SPATA16: variants seen among roughly 807,000 people sequenced by gnomAD.
The protein encoded by SPATA16 is spermatogenesis-associated protein 16.
A neutral mutation model predicts 63.3 loss-of-function variants in SPATA16; 36 were observed. That is an observed-to-expected ratio of 0.57 (90% CI 0.44 to 0.75). The LOEUF (loss-of-function observed/expected upper bound fraction) is 0.75, where lower values mean the gene tolerates loss of function less well. Ranked by LOEUF, SPATA16 falls within the 30% of genes least tolerant of loss-of-function variation. SPATA16 has a pLI of 0.00. For synonymous variants in SPATA16, 203 were observed against 216.7 expected, an observed-to-expected ratio of 0.94 and a Z score of 0.56; for missense variants, 646 against 679.3, an observed-to-expected ratio of 0.95 and a Z score of 0.54.
At chr3:173,016,209 C>A (rs1735183181) in intron 4 of SPATA16, among the ~76,000 whole-genome samples, 1 of 152,190 alleles carries the variant, frequency 6.6e-6, no homozygotes, top group Non-Finnish European at 1.5e-5. Context: ...TTTATGTATT[C>A]TTACACTTTC....
rs375364901 is a variant in SPATA16 at position 173,078,594 on chromosome 3, T to C, written c.613-29500A>G. 4.6e-5 allele frequency among the ~76,000 whole-genome samples: 7 copies of C among 152,246 alleles called. No individual in the cohort carries two copies. In the East Asian group the frequency reaches 1.3e-3, roughly 29 times the overall value. On this transcript the variant is annotated intron_variant, in intron 2 of 10. Transcript: ENST00000351008. ...ATCGTTTTCAATACCTAAAATAATA[T>C]TCAAAACACCATAAACAATGGGTGA... is the stretch of plus-strand genomic sequence containing the variant.
chr3:173,062,264 G>A (rs1198273112), intron 2 of SPATA16, among the ~76,000 whole-genome samples: 1 of 152,082 alleles, frequency 6.6e-6, no homozygotes, highest in Non-Finnish European at 1.5e-5. Context: ...TGACAGGAGT[G>A]AGATGAATTA....
intron 6 of SPATA16, among the ~76,000 whole-genome samples, chr3:172,955,335 C>T (rs1461715972): frequency 3.3e-5 from 5 of 152,088 alleles, no homozygotes. Context: ...ACTCATTTTT[C>T]CATAATGCTA....
At chr3:173,079,694 T>A (rs6445102) in intron 2 of SPATA16, among the ~76,000 whole-genome samples, 1 of 152,156 alleles carries the variant, frequency 6.6e-6, no homozygotes, top group Admixed American at 6.5e-5. Context: ...TTTTAACTCC[T>A]AATCAACAAC....
At chr3:173,000,376 T>C (rs1734789422) in intron 4 of SPATA16, among the ~76,000 whole-genome samples, 1 of 152,234 alleles carries the variant, frequency 6.6e-6, no homozygotes, top group Non-Finnish European at 1.5e-5. Flanking sequence ...TTTCTCTCAA[T>C]ACTTTAAATA....
intron 2 of SPATA16, among the ~76,000 whole-genome samples, chr3:173,067,408 A>G (rs531843944): frequency 5.5e-4 from 84 of 152,286 alleles, no homozygotes; most frequent in Admixed American, 3.9e-3. Flanking sequence ...ACATGGACAC[A>G]ATAAAGGGGA....
chr3:173,112,549 A>G (rs1371835206), intron 2 of SPATA16, among the ~76,000 whole-genome samples: 1 of 152,142 alleles, frequency 6.6e-6, no homozygotes, highest in Non-Finnish European at 1.5e-5. Context: ...TGGTTTTCTC[A>G]TTAGTAACAC....
At chr3:172,975,919 T>TG (rs1164963795) in intron 5 of SPATA16, among the ~76,000 whole-genome samples, 3 of 151,558 alleles carry the variant, frequency 2.0e-5, no homozygotes, top group African/African-American at 4.8e-5. Flanking sequence ...AGTGAAAATG[T>TG]GGGGGGAAAA....
chr3:173,117,064 C>T (rs1737916976), intron 2 of SPATA16, 56 bp downstream of exon 2: 2 of 1,554,174 alleles, frequency 1.3e-6, no homozygotes, highest in Admixed American at 1.7e-5. Flanking sequence ...AATGTAATTG[C>T]AACTTTCCAT....
intron 1 of SPATA16, among the ~76,000 whole-genome samples, chr3:173,137,263 G>A (rs1339966829): frequency 6.6e-6 from 1 of 152,122 alleles, no homozygotes; most frequent in Admixed American, 6.5e-5. Context: ...GGCACCTCCC[G>A]CCCATTATAT....
At chr3:173,099,432 A>T (rs1011992681) in intron 2 of SPATA16, among the ~76,000 whole-genome samples, 1 of 152,206 alleles carries the variant, frequency 6.6e-6, no homozygotes, top group Admixed American at 6.5e-5. Context: ...AACATAGTAT[A>T]TATAGAATTT....
At chr3:172,995,856 T>A (rs1303208840) in intron 4 of SPATA16, among the ~76,000 whole-genome samples, 2 of 152,094 alleles carry the variant, frequency 1.3e-5, no homozygotes, top group African/African-American at 2.4e-5. Flanking sequence ...TCATCTAACT[T>A]CAACAACTTA....
intron 5 of SPATA16, among the ~76,000 whole-genome samples, chr3:172,972,765 G>T (rs939372749): frequency 6.6e-6 from 1 of 152,094 alleles, no homozygotes; most frequent in African/African-American, 2.4e-5. Flanking sequence ...TGAGACTGAC[G>T]AAGACTTGAG....
At chr3:173,051,658 G>T (rs1736098148) in intron 2 of SPATA16, among the ~76,000 whole-genome samples, 1 of 152,048 alleles carries the variant, frequency 6.6e-6, no homozygotes, top group Non-Finnish European at 1.5e-5. Context: ...ATCTTTAAAT[G>T]AAATCAGCCT....
chr3:172,946,741 G>A (rs1733298449), intron 6 of SPATA16, among the ~76,000 whole-genome samples: 1 of 152,268 alleles, frequency 6.6e-6, no homozygotes, highest in Non-Finnish European at 1.5e-5. Flanking sequence ...CAGCATTTCT[G>A]GACTAGAGTT....
intron 1 of SPATA16, among the ~76,000 whole-genome samples, chr3:173,135,574 T>C (rs963501240): frequency 1.1e-4 from 16 of 152,156 alleles, no homozygotes; most frequent in African/African-American, 3.9e-4. Context: ...TTGTGGTATA[T>C]TTATACAATG....
At chr3:173,060,657 C>A (rs950367369) in intron 2 of SPATA16, among the ~76,000 whole-genome samples, 1 of 152,120 alleles carries the variant, frequency 6.6e-6, no homozygotes, top group Non-Finnish European at 1.5e-5. Flanking sequence ...CCTTATTTTA[C>A]AGGTATAAAA....
chr3:172,951,775 G>C (rs563100975), intron 6 of SPATA16, among the ~76,000 whole-genome samples: 2 of 152,266 alleles, frequency 1.3e-5, no homozygotes, highest in East Asian at 3.9e-4. Flanking sequence ...ACCTAAAGTT[G>C]GGCAGAGTTT....
chr3:173,001,467 C>A (rs1055405761), intron 4 of SPATA16, among the ~76,000 whole-genome samples: 2 of 152,050 alleles, frequency 1.3e-5, no homozygotes, highest in African/African-American at 4.8e-5. Flanking sequence ...TTTCTCCTTC[C>A]CCTGCCAAAA....
Sources: allele counts gnomAD v4.1 joint callset (sites outside exome capture counted in the v4.1 genomes callset), GRCh38; gene constraint gnomAD v4.1.1; transcripts MANE v1.5; gene names NCBI Gene and HGNC (gene_info 2026-07-23, HGNC 2026-07-21).